Variants in ZNF423 observed in about 807,000 individuals in gnomAD.
The protein encoded by ZNF423 is Ebf-associated zinc finger protein.
ZNF423 carries 12 observed loss-of-function variants against 95.8 expected under a neutral mutation model. The observed-to-expected ratio is 0.13, with a 90% CI of 0.08 to 0.20. The LOEUF (loss-of-function observed/expected upper bound fraction) is 0.20. Ranked by LOEUF, ZNF423 falls within the 10% of genes least tolerant of loss-of-function variation. The pLI is 1.00. For synonymous variants in ZNF423, 749 were observed against 711.9 expected, an observed-to-expected ratio of 1.05 and a Z score of -0.83; for missense variants, 1,316 against 1,737.1, an observed-to-expected ratio of 0.76 and a Z score of 4.31.
intron 2 of ZNF423, among the ~76,000 whole-genome samples, chr16:49,763,722 G>A (rs1037248794): frequency 6.6e-6 from 1 of 152,040 alleles, no homozygotes; most frequent in Non-Finnish European, 1.5e-5. Context: ...GTGGCAACTG[G>A]TTGTTCATCT....
At chr16:49,577,452 A>G (rs1970534041) in intron 5 of ZNF423, among the ~76,000 whole-genome samples, 1 of 152,036 alleles carries the variant, frequency 6.6e-6, no homozygotes. Flanking sequence ...ACCCAGACAG[A>G]CGCCAGGGCC....
chr16:49,557,229 C>T (rs775742006), intron 5 of ZNF423, among the ~76,000 whole-genome samples: 35 of 152,220 alleles, frequency 2.3e-4, no homozygotes, highest in Admixed American at 9.8e-4. Flanking sequence ...TCCTAGGGCG[C>T]GAGCAGCTCC....
intron 7 of ZNF423, among the ~76,000 whole-genome samples, chr16:49,496,473 C>T (rs1027634410): frequency 6.6e-6 from 1 of 152,124 alleles, no homozygotes; most frequent in African/African-American, 2.4e-5. Flanking sequence ...TCTCTCTCTC[C>T]CCATGTGACG....
rs754607542 is a variant in ZNF423, at chr16:49,637,285, T to G, written c.1891A>C (p.Ser631Arg). 12 of 1,614,210 alleles carry G rather than the reference T, an allele frequency of 7.4e-6. No individual in the cohort carries two copies. The South Asian group carries it at 1.3e-4, about 18-fold the overall frequency. The change falls in exon 4 of 8, where the codon AGC becomes CGC. Residue 631 changes from serine to arginine, a missense_variant. Physicochemically the swap from Ser to Arg is moderately radical, Grantham distance 110. This residue lies in a region of ZNF423 where 620 missense variants were observed against 775.6 expected (regional missense o/e 0.80). Transcript: ENST00000563137. The surrounding 1 kb of genome is among the most constrained non-coding windows in gnomAD (Gnocchi z 5.6). ...TCCCCATTGGAGATGGAGTTGGCGC[T>G]TGCTGAGAGCCGCTGCCGCTTCGGG... Reference protein sequence around the residue: ...SSPKRQRLSASANSISNGEYP... With the variant: ...SSPKRQRLSARANSISNGEYP...
At chr16:49,618,002 T>C (rs1009839372) in intron 5 of ZNF423, among the ~76,000 whole-genome samples, 1 of 152,246 alleles carries the variant, frequency 6.6e-6, no homozygotes, top group African/African-American at 2.4e-5. Context: ...CTGATGCCGC[T>C]GGATCCTCTT....
intron 3 of ZNF423, among the ~76,000 whole-genome samples, chr16:49,648,988 A>T (rs1596788482): frequency 6.6e-6 from 1 of 152,214 alleles, no homozygotes; most frequent in African/African-American, 2.4e-5. Flanking sequence ...TGACATACAC[A>T]GGAGACTCAC....
At chr16:49,707,387 G>C (rs954102883) in intron 3 of ZNF423, among the ~76,000 whole-genome samples, 3 of 152,170 alleles carry the variant, frequency 2.0e-5, no homozygotes, top group Non-Finnish European at 4.4e-5. Flanking sequence ...GCCAAGGCGG[G>C]TGGATCACCT....
chr16:49,663,813 C>T lies in ZNF423; in HGVS notation c.302-24939G>A, dbSNP rs113879124. Among the ~76,000 whole-genome samples the T allele has an allele frequency of 3.1e-3, 477 of 152,242 alleles. 1 individual carries two copies. The highest frequency in any genetic ancestry group is 5.2e-3 in the Non-Finnish European group (356 of 67,998). On this transcript the variant is annotated intron_variant, in intron 3 of 7. Coordinates refer to ENST00000563137, the MANE Select transcript of ZNF423 (RefSeq NM_001379286.1). The stretch of plus-strand genomic sequence containing the variant: ...TAGGAGTCAGGGTGCACCCCAGGGC[C>T]CTCCCCATCCCCATGCCGCAGGGCC...
intron 5 of ZNF423, among the ~76,000 whole-genome samples, chr16:49,587,253 C>T (rs1567486119): frequency 6.6e-6 from 1 of 152,142 alleles, no homozygotes; most frequent in Non-Finnish European, 1.5e-5. Context: ...GACAGACAGG[C>T]CTTGGAAACG....
At chr16:49,786,594 T>C (rs1187208566) in intron 2 of ZNF423, among the ~76,000 whole-genome samples, 1 of 152,166 alleles carries the variant, frequency 6.6e-6, no homozygotes, top group African/African-American at 2.4e-5. Flanking sequence ...CCAGGGACCT[T>C]CCAGAAGTCC....
At chr16:49,852,170 A>G (rs2035309108) in intron 1 of ZNF423, among the ~76,000 whole-genome samples, 1 of 152,016 alleles carries the variant, frequency 6.6e-6, no homozygotes, top group Non-Finnish European at 1.5e-5. Flanking sequence ...GAGGAGCTAC[A>G]CGCTGGCAGA....
intron 2 of ZNF423, among the ~76,000 whole-genome samples, chr16:49,775,775 C>T (rs1276850432): frequency 5.9e-5 from 9 of 152,146 alleles, no homozygotes; most frequent in Non-Finnish European, 8.8e-5. Flanking sequence ...AGCACACAGA[C>T]GCCTGACAAT....
upstream of ZNF423, chr16:49,857,933 G>T (rs1228707464): frequency 2.6e-5 from 4 of 152,118 alleles, no homozygotes. The surrounding 1 kb of genome is among the most constrained non-coding windows in gnomAD (Gnocchi z 6.2). Context: ...TTCCCCAGAC[G>T]GCTCCCCTAA....
chr16:49,632,450 C>A (rs1312516367), intron 4 of ZNF423, among the ~76,000 whole-genome samples: 4 of 152,156 alleles, frequency 2.6e-5, no homozygotes, highest in Non-Finnish European at 4.4e-5. Context: ...TGCCGCCTTG[C>A]CTGGGGAGGT....
chr16:49,699,138 A>G (rs921486469), intron 3 of ZNF423, among the ~76,000 whole-genome samples: 6 of 152,224 alleles, frequency 3.9e-5, no homozygotes, highest in Admixed American at 3.9e-4. Flanking sequence ...CTAGTCAGCT[A>G]TTAGTGTTAC....
intron 3 of ZNF423, among the ~76,000 whole-genome samples, chr16:49,727,355 C>T (rs1158523958): frequency 2.0e-5 from 3 of 152,110 alleles, no homozygotes; most frequent in Non-Finnish European, 4.4e-5. Context: ...GGTCTTCCAT[C>T]GTGGCCATTC....
rs112361109 is a variant in ZNF423 at position 49,750,335 on chromosome 16, G to A, written c.101-19364C>T. Among the ~76,000 whole-genome samples the A allele has an allele frequency of 7.6e-3, 1,151 of 152,288 alleles. 21 individuals carry two copies. Among genetic ancestry groups the A allele is most frequent in the African/African-American group, 0.026 (1,094 of 41,548 alleles). On this transcript the variant is annotated intron_variant, in intron 2 of 7. Coordinates refer to ENST00000563137, the MANE Select transcript of ZNF423 (RefSeq NM_001379286.1). ...GGGGCTTCAAGTCATCACCCTCCAGGGGCCAAGTCAGGGGTTTCCAAGAAG... is the reference window on the plus strand; with the variant it reads ...GGGGCTTCAAGTCATCACCCTCCAGAGGCCAAGTCAGGGGTTTCCAAGAAG...
intron 5 of ZNF423, among the ~76,000 whole-genome samples, chr16:49,600,054 C>G (rs1294103580): frequency 6.6e-6 from 1 of 152,206 alleles, no homozygotes; most frequent in Non-Finnish European, 1.5e-5. Flanking sequence ...GGCGTGGTGG[C>G]TCACTCCTGT....
At chr16:49,501,570 G>A (rs1337210269) in intron 7 of ZNF423, among the ~76,000 whole-genome samples, 1 of 151,866 alleles carries the variant, frequency 6.6e-6, no homozygotes, top group African/African-American at 2.4e-5. Context: ...AAAGAAACAT[G>A]AACTCATATG....
Sources: gnomAD v4.1 joint callset for allele counts (sites outside exome capture counted in the v4.1 genomes callset) on GRCh38, gnomAD v4.1.1 for gene constraint, gnomAD v4.1.1 regional missense constraint, Gnocchi (gnomAD v3.1) non-coding constraint, MANE v1.5 for transcripts, NCBI Gene and HGNC (gene_info 2026-07-23, HGNC 2026-07-21) for gene names.